RBFOX3: variants seen among roughly 807,000 people sequenced by gnomAD.
RBFOX3 encodes the protein RNA binding fox-1 homolog 3, also known as RNA binding protein fox-1 homolog 3.
A neutral mutation model predicts 48.7 loss-of-function variants in RBFOX3; 17 were observed. The observed-to-expected ratio is 0.35, with a 90% CI of 0.24 to 0.52. The LOEUF (loss-of-function observed/expected upper bound fraction) is 0.52, where lower values mean the gene tolerates loss of function less well. Among genes scored for constraint, RBFOX3 ranks in the 20% least tolerant of loss-of-function variants. RBFOX3 has a pLI of 0.94. For missense variants in RBFOX3, 382 were observed against 497.5 expected (o/e 0.77, Z 2.21); for synonymous variants, 212 against 209.5 (o/e 1.01, Z -0.10).
chr17:79,664,279 A>G, the RBFOX3 span, among the ~76,000 whole-genome samples: 4 of 151,510 alleles, frequency 2.6e-5, no homozygotes, highest in Admixed American at 1.3e-4. Flanking sequence ...GATTCAAGCA[A>G]TTCTCCTGCC....
At chr17:79,175,333 G>A (rs994699435) in intron 4 of RBFOX3, among the ~76,000 whole-genome samples, 1 of 152,212 alleles carries the variant, frequency 6.6e-6, no homozygotes, top group Non-Finnish European at 1.5e-5. Context: ...CACCAGGCTG[G>A]TCACCAGAAG....
intron 2 of RBFOX3, among the ~76,000 whole-genome samples, chr17:79,467,882 C>T (rs1243933524): frequency 6.6e-6 from 1 of 152,048 alleles, no homozygotes; most frequent in Admixed American, 6.5e-5. Context: ...CCCCCTCCCA[C>T]CACGCCCTCT....
chr17:79,314,409 A>G (rs1357948309), intron 2 of RBFOX3, among the ~76,000 whole-genome samples: 3 of 152,122 alleles, frequency 2.0e-5, no homozygotes, highest in Non-Finnish European at 4.4e-5. Context: ...GAGGAGACTG[A>G]GATCGCATAC....
chr17:79,367,744 C>T (rs997101076), intron 2 of RBFOX3, among the ~76,000 whole-genome samples: 3 of 151,960 alleles, frequency 2.0e-5, no homozygotes, highest in Admixed American at 1.3e-4. Context: ...CATGGTGGGC[C>T]GGACAGGCAG....
At position 79,336,207 on chromosome 17, in the gene RBFOX3, C is replaced by T. The variant is rs145129342; in HGVS notation, c.-174-28383G>A. Among the ~76,000 whole-genome samples the T allele has an allele frequency of 8.6e-5, 13 of 151,762 alleles. No homozygotes were observed. The East Asian group carries it at 1.8e-3, about 20-fold the overall frequency. On this transcript the variant is annotated intron_variant, in intron 2 of 14. Coordinates refer to ENST00000693108, the MANE Select transcript of RBFOX3 (RefSeq NM_001350451.2). ...TTCGAGACCAGCCTGGCCAACATGA[C>T]GAAAACCCATCTCTACTAAAAATAC...
chr17:79,386,614 C>T (rs1598469580), intron 2 of RBFOX3, among the ~76,000 whole-genome samples: 1 of 152,386 alleles, frequency 6.6e-6, no homozygotes, highest in East Asian at 1.9e-4. Context: ...CAGACACCTT[C>T]CCCAGAGTCA....
intron 2 of RBFOX3, among the ~76,000 whole-genome samples, chr17:79,422,631 T>C (rs1311383160): frequency 6.6e-6 from 1 of 152,190 alleles, no homozygotes; most frequent in Non-Finnish European, 1.5e-5. Flanking sequence ...GGGCAGATGC[T>C]GGGTCGTCAC....
the RBFOX3 span, among the ~76,000 whole-genome samples, chr17:79,625,377 G>A: frequency 3.3e-5 from 5 of 152,276 alleles, no homozygotes; most frequent in Non-Finnish European, 4.4e-5. Context: ...GTATTCCATC[G>A]CATGGATGTG....
chr17:79,623,572 G>A, the RBFOX3 span, among the ~76,000 whole-genome samples: 2 of 152,170 alleles, frequency 1.3e-5, no homozygotes, highest in Admixed American at 6.6e-5. Context: ...CAGCACTTTG[G>A]GAGGCCAAGG....
intron 2 of RBFOX3, among the ~76,000 whole-genome samples, chr17:79,454,808 A>G (rs1486542769): frequency 6.6e-6 from 1 of 152,132 alleles, no homozygotes; most frequent in Non-Finnish European, 1.5e-5. Context: ...AGATGACATG[A>G]GCTGAGCCAG....
the RBFOX3 span, among the ~76,000 whole-genome samples, chr17:79,630,398 G>A: frequency 5.3e-5 from 8 of 152,144 alleles, no homozygotes; most frequent in South Asian, 6.2e-4. Flanking sequence ...TTGTTCAGTG[G>A]CCAGATGCAA....
chr17:79,604,187 C>T (rs1245959828), intron 1 of RBFOX3, among the ~76,000 whole-genome samples: 1 of 152,236 alleles, frequency 6.6e-6, no homozygotes, highest in South Asian at 2.1e-4. Flanking sequence ...CTCAGAACCT[C>T]CCATGAATAA....
chr17:79,656,064 A>G, the RBFOX3 span, among the ~76,000 whole-genome samples: 2 of 151,798 alleles, frequency 1.3e-5, no homozygotes, highest in East Asian at 1.9e-4. Flanking sequence ...CCTCCCCCGC[A>G]CTCTTGCTTC....
chr17:79,659,223 T>C, the RBFOX3 span, among the ~76,000 whole-genome samples: 90 of 152,276 alleles, frequency 5.9e-4, 1 homozygote, highest in East Asian at 0.015. Context: ...CAAGGGAGAC[T>C]GGAAAATAGA....
At chr17:79,126,181 G>A (rs1035336457) in intron 4 of RBFOX3, among the ~76,000 whole-genome samples, 2 of 152,242 alleles carry the variant, frequency 1.3e-5, no homozygotes, top group African/African-American at 4.8e-5. Flanking sequence ...GTTTGAATGC[G>A]GTTGGAACAC....
chr17:79,266,019 C>A (rs1370945792), intron 3 of RBFOX3, among the ~76,000 whole-genome samples: 1 of 152,250 alleles, frequency 6.6e-6, no homozygotes, highest in Admixed American at 6.5e-5. Context: ...TAGACCAGAG[C>A]TGACTTTTCC....
chr17:79,186,116 T>C (rs2053343590), intron 4 of RBFOX3, among the ~76,000 whole-genome samples: 1 of 152,184 alleles, frequency 6.6e-6, no homozygotes, highest in Admixed American at 6.5e-5. Flanking sequence ...GTCACCTGTG[T>C]GCCTCTCTGC....
intron 2 of RBFOX3, among the ~76,000 whole-genome samples, chr17:79,367,279 C>T (rs2057912089): frequency 7.0e-6 from 1 of 142,734 alleles, no homozygotes; most frequent in African/African-American, 2.6e-5. Flanking sequence ...TCATCTCCTC[C>T]TCCTCCCCCT....
chr17:79,273,216 C>G (rs1206724120), intron 3 of RBFOX3, among the ~76,000 whole-genome samples: 1 of 152,154 alleles, frequency 6.6e-6, no homozygotes, highest in Non-Finnish European at 1.5e-5. Context: ...CTGAGTCAAC[C>G]CTTCCACAGC....
Sources: allele counts gnomAD v4.1 joint callset (sites outside exome capture counted in the v4.1 genomes callset), GRCh38; gene constraint gnomAD v4.1.1; transcripts MANE v1.5; gene names NCBI Gene and HGNC (gene_info 2026-07-23, HGNC 2026-07-21).